Variants in CTNNA3 observed in about 807,000 individuals in gnomAD.
CTNNA3 encodes catenin alpha 3.
Under a neutral mutation model 95.7 loss-of-function variants are expected in CTNNA3, and 76 were observed. The observed-to-expected ratio is 0.79, with a 90% CI of 0.66 to 0.96. The LOEUF (loss-of-function observed/expected upper bound fraction) is 0.96, where lower values mean the gene tolerates loss of function less well. CTNNA3 is among the 40% of genes least tolerant of loss of function. The pLI is 0.00. For synonymous variants in CTNNA3, 431 were observed against 374.4 expected (o/e 1.15, Z -1.74); for missense variants, 1,191 against 1,089.8 (o/e 1.09, Z -1.31).
At chr10:67,295,369 C>G (rs960215793) in intron 5 of CTNNA3, among the ~76,000 whole-genome samples, 5 of 152,110 alleles carry the variant, frequency 3.3e-5, no homozygotes, top group Non-Finnish European at 7.4e-5. Context: ...GCCATTTTTA[C>G]TGGAATAGAA....
At chr10:66,799,660 AG>A (rs1245446793) in intron 7 of CTNNA3, among the ~76,000 whole-genome samples, 2 of 151,542 alleles carry the variant, frequency 1.3e-5, no homozygotes, top group Non-Finnish European at 3.0e-5. Flanking sequence ...GAATCCCAAA[AG>A]GAGAGTGTAG....
At chr10:66,383,097 G>A (rs983966478) in intron 11 of CTNNA3, among the ~76,000 whole-genome samples, 2 of 152,184 alleles carry the variant, frequency 1.3e-5, no homozygotes, top group Non-Finnish European at 2.9e-5. Context: ...AAATGACTTT[G>A]ATGAGTTGAC....
At chr10:66,203,592 A>G (rs1394711652) in intron 13 of CTNNA3, among the ~76,000 whole-genome samples, 3 of 152,078 alleles carry the variant, frequency 2.0e-5, no homozygotes, top group East Asian at 1.9e-4. Flanking sequence ...ATATTGAAAC[A>G]TCACCAAAGA....
intron 17 of CTNNA3, among the ~76,000 whole-genome samples, chr10:65,957,618 G>A (rs2077759228): frequency 6.6e-6 from 1 of 152,124 alleles, no homozygotes; most frequent in Non-Finnish European, 1.5e-5. Flanking sequence ...TTGCTTGTCT[G>A]TAAAGGATTT....
chr10:66,708,535 T>A (rs1450747122), intron 9 of CTNNA3, among the ~76,000 whole-genome samples: 1 of 151,524 alleles, frequency 6.6e-6, no homozygotes, highest in African/African-American at 2.4e-5. Flanking sequence ...GGACCCTATC[T>A]CCAAATGCAC....
chr10:66,124,021 A>G (rs999670145), intron 13 of CTNNA3, among the ~76,000 whole-genome samples: 1 of 152,012 alleles, frequency 6.6e-6, no homozygotes, highest in Admixed American at 6.5e-5. Flanking sequence ...TTGGCTCCTC[A>G]TTACTTACGC....
chr10:67,126,916 G>C (rs986063997), intron 7 of CTNNA3, among the ~76,000 whole-genome samples: 2 of 152,238 alleles, frequency 1.3e-5, no homozygotes, highest in African/African-American at 4.8e-5. Flanking sequence ...CTGTTTGGGA[G>C]TTTTCAGATT....
intron 7 of CTNNA3, among the ~76,000 whole-genome samples, chr10:66,842,076 C>G (rs565224996): frequency 6.6e-6 from 1 of 151,992 alleles, no homozygotes; most frequent in Admixed American, 6.5e-5. Flanking sequence ...GACCACAGCA[C>G]GCACACCAAA....
intron 5 of CTNNA3, among the ~76,000 whole-genome samples, chr10:67,308,498 A>C (rs1487864160): frequency 6.6e-6 from 1 of 152,204 alleles, no homozygotes; most frequent in Non-Finnish European, 1.5e-5. Context: ...GAGTCCATTA[A>C]ATCTCTCTTT....
At chr10:67,293,397 A>T (rs1184414632) in intron 5 of CTNNA3, among the ~76,000 whole-genome samples, 1 of 152,214 alleles carries the variant, frequency 6.6e-6, no homozygotes, top group Non-Finnish European at 1.5e-5. Context: ...CCTATGGTAT[A>T]CAATTCCTTA....
chr10:66,978,552 A>AAAAATATATAT lies in CTNNA3; in HGVS notation c.1047+201764_1047+201765insATATATATTTT. Among the ~76,000 whole-genome samples, 43 of 37,884 alleles carry AAAAATATATAT rather than the reference A, an allele frequency of 1.1e-3. 2 individuals are homozygous for AAAAATATATAT. Among genetic ancestry groups the AAAAATATATAT allele is most frequent in the Non-Finnish European group, 1.7e-3 (35 of 20,632 alleles). The allele number at this position is 37,884 out of a possible 152,430, so 24.9% of individuals were successfully genotyped here. A position where few individuals can be genotyped will look rare whatever the true frequency, so the allele number is the denominator to read the frequency against. ...AAAAAAAAAAAAAAAAAAAAAAAAA[A>AAAAATATATAT]ATATATATATATATATATAGTATGG... On this transcript the variant is annotated intron_variant, in intron 7 of 17. Coordinates refer to ENST00000433211, the MANE Select transcript of CTNNA3 (RefSeq NM_013266.4).
chr10:66,103,111 T>C (rs1453433947), intron 14 of CTNNA3, 46 bp downstream of exon 14: 1 of 1,492,746 alleles, frequency 6.7e-7, no homozygotes, highest in Non-Finnish European at 9.4e-7. Context: ...GGGCACAGCC[T>C]TCAGTGACAC....
chr10:66,866,176 A>G (rs1844170511), intron 7 of CTNNA3, among the ~76,000 whole-genome samples: 2 of 152,224 alleles, frequency 1.3e-5, no homozygotes, highest in Non-Finnish European at 2.9e-5. Context: ...TCACAAAGCT[A>G]GTTAACAGCA....
intron 7 of CTNNA3, among the ~76,000 whole-genome samples, chr10:67,128,406 C>T (rs924217052): frequency 6.6e-6 from 1 of 151,916 alleles, no homozygotes; most frequent in African/African-American, 2.4e-5. Flanking sequence ...CATCTCTCAA[C>T]TGGGAAACAA....
At chr10:66,412,425 T>G (rs574282757) in intron 11 of CTNNA3, among the ~76,000 whole-genome samples, 1 of 150,296 alleles carries the variant, frequency 6.7e-6, no homozygotes, top group Non-Finnish European at 1.5e-5. Context: ...GCTTAAAAAG[T>G]AGTAGAAGGG....
intron 7 of CTNNA3, among the ~76,000 whole-genome samples, chr10:66,870,212 CA>C (rs72097139): frequency 0.14 from 21,241 of 152,100 alleles, 1,951 homozygotes; most frequent in African/African-American, 0.26. Flanking sequence ...GTTAGAGATA[CA>C]ATATGCAAAT....
intron 7 of CTNNA3, among the ~76,000 whole-genome samples, chr10:66,949,857 T>C (rs150174606): frequency 2.0e-4 from 30 of 152,310 alleles, no homozygotes; most frequent in African/African-American, 7.2e-4. Flanking sequence ...CAGAGAGGAA[T>C]GGATACTGTA....
chr10:66,998,108 G>A (rs1851460610), intron 7 of CTNNA3, among the ~76,000 whole-genome samples: 1 of 152,146 alleles, frequency 6.6e-6, no homozygotes, highest in South Asian at 2.1e-4. Context: ...TGAGATGGCT[G>A]ATGCCATTCC....
intron 11 of CTNNA3, among the ~76,000 whole-genome samples, chr10:66,425,856 C>T (rs1016380905): frequency 1.3e-5 from 2 of 152,048 alleles, no homozygotes; most frequent in Non-Finnish European, 2.9e-5. Flanking sequence ...GAATACACAA[C>T]ATTACCAGCT....
Sources: allele counts gnomAD v4.1 joint callset (sites outside exome capture counted in the v4.1 genomes callset), GRCh38; gene constraint gnomAD v4.1.1; transcripts MANE v1.5; gene names NCBI Gene and HGNC (gene_info 2026-07-23, HGNC 2026-07-21).